Variants in MNAT1 observed in about 807,000 individuals in gnomAD.
MNAT1 encodes CDK-activating kinase assembly factor MAT1.
In MNAT1, 43 loss-of-function variants were observed where a neutral mutation model predicts 42.0. The ratio of observed to expected loss-of-function variants is 1.02; its 90% CI spans 0.80 to 1.32. The LOEUF is 1.32. Ranked by LOEUF, MNAT1 falls within the 40% of genes most tolerant of loss-of-function variation. The probability of loss-of-function intolerance (pLI) is 0.00; values close to 1 mark genes in which losing one functional copy is unlikely to be tolerated. For synonymous variants in MNAT1, 118 were observed against 120.0 expected (o/e 0.98, Z 0.11); for missense variants, 306 against 350.4 (o/e 0.87, Z 1.01).
chr14:60,762,846 G>A (rs959562015), intron 1 of MNAT1, among the ~76,000 whole-genome samples: 15 of 151,572 alleles, frequency 9.9e-5, no homozygotes, highest in South Asian at 2.1e-4. Context: ...CCACTTGGCC[G>A]GAAATTTTTA....
chr14:60,893,485 T>A (rs1307374532), intron 7 of MNAT1, among the ~76,000 whole-genome samples: 1 of 152,220 alleles, frequency 6.6e-6, no homozygotes, highest in Non-Finnish European at 1.5e-5. Context: ...ATTTGAATAT[T>A]GGACATTCTG....
intron 7 of MNAT1, among the ~76,000 whole-genome samples, chr14:60,910,032 TCCTTCACATC>T (rs1273963180): frequency 6.6e-6 from 1 of 152,206 alleles, no homozygotes; most frequent in Admixed American, 6.5e-5. Context: ...CTTGAAGAAG[TCCTTCACATC>T]CCTTGTAAGT....
chr14:60,943,401 A>G (rs1404907788), intron 7 of MNAT1, among the ~76,000 whole-genome samples: 1 of 152,204 alleles, frequency 6.6e-6, no homozygotes, highest in Admixed American at 6.5e-5. Flanking sequence ...AAGCAAGGCA[A>G]GTATAATTAT....
At position 60,776,787 on chromosome 14, in the gene MNAT1, A is replaced by G. The variant is rs551680300; in HGVS notation, c.90-19430A>G. On this transcript the variant is annotated intron_variant, in intron 1 of 7. Coordinates refer to ENST00000261245, the MANE Select transcript of MNAT1 (RefSeq NM_002431.4). Reference sequence around the variant, plus strand: ...GATCATGGCAGGAAAAAGGTGTACAACATTTAAATTTAAATGGACTTGTAT... The same window carrying G: ...GATCATGGCAGGAAAAAGGTGTACAGCATTTAAATTTAAATGGACTTGTAT... Among the ~76,000 whole-genome samples, 541 of 152,248 alleles carry G rather than the reference A, an allele frequency of 3.6e-3. 4 individuals carry two copies. The highest frequency in any genetic ancestry group is 5.4e-3 in the Non-Finnish European group (365 of 68,008).
intron 3 of MNAT1, chr14:60,799,220 A>G: frequency 1.0e-6 from 1 of 984,862 alleles, no homozygotes; most frequent in South Asian, 4.7e-5. Flanking sequence ...CTGCTTTTCC[A>G]TTCTGCATGT....
chr14:60,840,923 C>T (rs2033531712), intron 6 of MNAT1, among the ~76,000 whole-genome samples: 1 of 152,094 alleles, frequency 6.6e-6, no homozygotes, highest in Non-Finnish European at 1.5e-5. Flanking sequence ...CCTCAGTCTC[C>T]CAAGGTGCTG....
At chr14:60,884,174 C>T (rs910780121) in intron 7 of MNAT1, among the ~76,000 whole-genome samples, 8 of 151,964 alleles carry the variant, frequency 5.3e-5, no homozygotes, top group Non-Finnish European at 8.8e-5. Flanking sequence ...TTCAGTTTTC[C>T]CCCATTCAGT....
intron 7 of MNAT1, among the ~76,000 whole-genome samples, chr14:60,908,512 C>T (rs1183271472): frequency 1.3e-5 from 2 of 151,684 alleles, no homozygotes; most frequent in African/African-American, 4.9e-5. Context: ...GTGATGTTCC[C>T]CTTCCTGTGT....
At chr14:60,754,495 G>C (rs1352377621) in intron 1 of MNAT1, among the ~76,000 whole-genome samples, 1 of 152,010 alleles carries the variant, frequency 6.6e-6, no homozygotes, top group Admixed American at 6.5e-5. Flanking sequence ...CTACAGGCGT[G>C]TGCCACCACA....
chr14:60,925,340 C>T (rs1211855100), intron 7 of MNAT1, among the ~76,000 whole-genome samples: 3 of 152,124 alleles, frequency 2.0e-5, no homozygotes, highest in East Asian at 3.9e-4. Flanking sequence ...TAAGCATCTG[C>T]AGATTTTGGT....
chr14:60,904,046 AT>A (rs1276957258), intron 7 of MNAT1, among the ~76,000 whole-genome samples: 1 of 151,680 alleles, frequency 6.6e-6, no homozygotes, highest in East Asian at 1.9e-4. Flanking sequence ...TGATTTTTGT[AT>A]TTTTTAGTAG....
intron 6 of MNAT1, among the ~76,000 whole-genome samples, chr14:60,832,560 A>G (rs2033257063): frequency 6.6e-6 from 1 of 152,068 alleles, no homozygotes; most frequent in Non-Finnish European, 1.5e-5. Context: ...TACCAGTACC[A>G]TGTTGTTTTA....
chr14:60,827,353 A>T (rs1214189073), intron 6 of MNAT1, among the ~76,000 whole-genome samples: 1 of 152,190 alleles, frequency 6.6e-6, no homozygotes, highest in East Asian at 1.9e-4. Flanking sequence ...CAGAGTACTC[A>T]TTTGTGATAT....
intron 6 of MNAT1, among the ~76,000 whole-genome samples, chr14:60,864,735 T>C (rs186542172): frequency 6.6e-6 from 1 of 152,160 alleles, no homozygotes; most frequent in African/African-American, 2.4e-5. Flanking sequence ...TTCTGCATTT[T>C]AGAGTAGATT....
chr14:60,941,270 A>G lies in MNAT1; in HGVS notation c.810-26959A>G, dbSNP rs149178251. Among the ~76,000 whole-genome samples, 476 of 152,306 alleles carry G rather than the reference A, an allele frequency of 3.1e-3. 16 individuals are homozygous for G. The East Asian group carries it at 0.062, about 20-fold the overall frequency. ...GATCTCTTAGTCCCTGTGATTCAGG[A>G]AATTGTATTAATGAATTTATGGTCA... On this transcript the variant is annotated intron_variant, in intron 7 of 7. Coordinates refer to ENST00000261245, the MANE Select transcript of MNAT1 (RefSeq NM_002431.4).
intron 1 of MNAT1, 90 bp downstream of exon 1, chr14:60,735,041 A>G: frequency 7.9e-7 from 1 of 1,259,448 alleles, no homozygotes; most frequent in East Asian, 2.3e-5. Context: ...CTTGGGAGCA[A>G]AGGGCGTTGT....
chr14:60,835,694 T>C (rs1029556671), intron 6 of MNAT1, among the ~76,000 whole-genome samples: 22 of 152,222 alleles, frequency 1.4e-4, no homozygotes, highest in Admixed American at 1.2e-3. Context: ...CCTTGGTGAA[T>C]CTGATGATTA....
chr14:60,863,681 A>G (rs977138669), intron 6 of MNAT1, among the ~76,000 whole-genome samples: 2 of 152,102 alleles, frequency 1.3e-5, no homozygotes, highest in African/African-American at 2.4e-5. Flanking sequence ...TAGTCTGTGT[A>G]TTCTTGTATT....
intron 6 of MNAT1, among the ~76,000 whole-genome samples, chr14:60,835,008 CCTCT>C (rs1045509667): frequency 1.4e-5 from 2 of 144,476 alleles, no homozygotes; most frequent in East Asian, 2.0e-4. Context: ...TCCCTCCCTC[CCTCT>C]CTCTCTCATT....
Sources: allele counts gnomAD v4.1 joint callset (sites outside exome capture counted in the v4.1 genomes callset), GRCh38; gene constraint gnomAD v4.1.1; transcripts MANE v1.5; gene names NCBI Gene and HGNC (gene_info 2026-07-23, HGNC 2026-07-21).